Variants in SPIRE1 observed in about 807,000 individuals in gnomAD.
SPIRE1 encodes protein spire homolog 1.
In SPIRE1, 40 loss-of-function variants were observed where a neutral mutation model predicts 94.1. The ratio of observed to expected loss-of-function variants is 0.43; its 90% CI spans 0.33 to 0.55. The LOEUF (loss-of-function observed/expected upper bound fraction) is 0.55. Among genes scored for constraint, SPIRE1 ranks in the 20% least tolerant of loss-of-function variants. The pLI is 0.06. For missense variants in SPIRE1, 838 were observed against 975.2 expected (o/e 0.86, Z 1.87); for synonymous variants, 376 against 371.7 (o/e 1.01, Z -0.13).
chr18:12,657,634 G>A lies in SPIRE1; in HGVS notation c.233C>T (p.Pro78Leu), dbSNP rs182090603. ...SLRAAARRRQ[P>L]RHRVRSAAQI... Reference sequence around the variant, plus strand: ...CGCGGCCGAGCGCACACGGTGGCGGGGCTGGCGGCGGCGGGCGGCGGCGCG... The same window carrying A: ...CGCGGCCGAGCGCACACGGTGGCGGAGCTGGCGGCGGCGGGCGGCGGCGCG... The change falls in exon 1 of 17, where the codon CCC becomes CTC. Residue 78 changes from proline (P) to leucine (L), a missense_variant. Pro to Leu is a moderately conservative substitution (Grantham distance 98). Transcript: ENST00000409402. 2,398 of 1,315,180 alleles carry A rather than the reference G, an allele frequency of 1.8e-3. 51 individuals carry two copies. The African/African-American group carries it at 0.032, about 17-fold the overall frequency. 81.5% of individuals were successfully genotyped at this position (1,315,180 alleles called of 1,614,324 possible). A position where few individuals can be genotyped will look rare whatever the true frequency, so the allele number is the denominator to read the frequency against.
At chr18:12,634,972 G>T in intron 2 of SPIRE1, 90 bp downstream of exon 2, 3 of 649,036 alleles carry the variant, frequency 4.6e-6, no homozygotes, top group Non-Finnish European at 7.9e-6. Flanking sequence ...AGAAGACCAA[G>T]AACCTATAGT....
rs1265185677 is a variant in SPIRE1, at chr18:12,510,123, T to C, written c.807+2331A>G. ...AACTAAAAAAACAGTATATACCATATGATTACATTTATATAAAATTCTAGA... is the reference window on the plus strand; with the variant it reads ...AACTAAAAAAACAGTATATACCATACGATTACATTTATATAAAATTCTAGA... On this transcript the variant is annotated intron_variant, in intron 5 of 16. Transcript: ENST00000409402. Among the ~76,000 whole-genome samples the C allele has an allele frequency of 2.0e-5, 3 of 150,462 alleles. No individual in the cohort carries two copies. The Admixed American group carries it at 2.0e-4, about 10-fold the overall frequency.
intron 2 of SPIRE1, among the ~76,000 whole-genome samples, chr18:12,624,012 C>CTCAAGGGT (rs374564640): frequency 6.6e-5 from 10 of 151,778 alleles, no homozygotes; most frequent in African/African-American, 2.4e-4. Flanking sequence ...CAACCTCTGC[C>CTCAAGGGT]TCAAGGGTTC....
intron 2 of SPIRE1, among the ~76,000 whole-genome samples, chr18:12,580,909 C>G (rs2036241549): frequency 6.6e-6 from 1 of 152,070 alleles, no homozygotes; most frequent in African/African-American, 2.4e-5. Flanking sequence ...GCGGATGACC[C>G]CAGCCTGTCC....
chr18:12,491,827 G>A (rs1209086741), intron 8 of SPIRE1, among the ~76,000 whole-genome samples: 1 of 152,230 alleles, frequency 6.6e-6, no homozygotes, highest in Admixed American at 6.5e-5. Context: ...CAGTGCTGCT[G>A]CGACAGATGA....
chr18:12,660,446 C>T (rs565989655), upstream of SPIRE1, among the ~76,000 whole-genome samples: 5 of 151,942 alleles, frequency 3.3e-5, no homozygotes, highest in East Asian at 1.9e-4. Context: ...CTCGGCCTCC[C>T]GAGTAGCTGG....
At chr18:12,658,844 C>G, upstream of SPIRE1, 1 of 322,288 alleles carries the variant, frequency 3.1e-6, no homozygotes. Flanking sequence ...AAACCAGCGC[C>G]TGGAATATAA....
At chr18:12,453,476 T>C (rs2040197) in intron 13 of SPIRE1, among the ~76,000 whole-genome samples, 6,518 of 149,340 alleles carry the variant, frequency 0.044, 154 homozygotes, top group South Asian at 0.093. Context: ...CTGTTTCGCC[T>C]AGGCTGGAGT....
At chr18:12,585,514 C>A (rs941323246) in intron 2 of SPIRE1, among the ~76,000 whole-genome samples, 1 of 152,124 alleles carries the variant, frequency 6.6e-6, no homozygotes, top group East Asian at 1.9e-4. Flanking sequence ...AAGTTTCTAT[C>A]TCTATAGCTG....
At chr18:12,617,642 C>T (rs988578120) in intron 2 of SPIRE1, among the ~76,000 whole-genome samples, 19 of 152,110 alleles carry the variant, frequency 1.2e-4, no homozygotes, top group Non-Finnish European at 4.4e-5. Context: ...AACTCCTGAC[C>T]TCAGGTGATC....
chr18:12,501,236 C>T (rs2033653765), intron 6 of SPIRE1, among the ~76,000 whole-genome samples: 1 of 151,950 alleles, frequency 6.6e-6, no homozygotes, highest in Non-Finnish European at 1.5e-5. Context: ...TAGGTAAGTT[C>T]ACGGAGACAG....
intron 3 of SPIRE1, among the ~76,000 whole-genome samples, chr18:12,546,359 A>G (rs1354688196): frequency 1.3e-5 from 2 of 152,158 alleles, no homozygotes; most frequent in Non-Finnish European, 2.9e-5. Flanking sequence ...CAGCTTGGAC[A>G]CAGTGGCTCA....
intron 1 of SPIRE1, among the ~76,000 whole-genome samples, chr18:12,656,402 TAA>T (rs1567997009): frequency 6.6e-6 from 1 of 151,946 alleles, no homozygotes; most frequent in Non-Finnish European, 1.5e-5. Context: ...CGCTAAAAAA[TAA>T]AAGATAAAAG....
intron 1 of SPIRE1, among the ~76,000 whole-genome samples, chr18:12,640,120 A>T (rs2038045709): frequency 6.6e-6 from 1 of 152,226 alleles, no homozygotes; most frequent in South Asian, 2.1e-4. Context: ...CTTTCAAATT[A>T]AGGTAGCTAC....
chr18:12,597,132 G>C (rs1002886385), intron 2 of SPIRE1, among the ~76,000 whole-genome samples: 1 of 147,132 alleles, frequency 6.8e-6, no homozygotes, highest in Non-Finnish European at 1.5e-5. Context: ...ACGGATTTTT[G>C]CAACTTCCCT....
intron 2 of SPIRE1, among the ~76,000 whole-genome samples, chr18:12,561,826 A>G (rs2035695518): frequency 6.6e-6 from 1 of 151,762 alleles, no homozygotes; most frequent in South Asian, 2.1e-4. Context: ...GCTAGCAGGA[A>G]AAGAAAGACT....
Position 12,657,647 on chromosome 18 carries a change from G to A in SPIRE1, c.220C>T (p.Arg74Cys), listed in dbSNP as rs1177498008. ...QCCGSLRAAA[R>C]RRQPRHRVRS... ...ACACGGTGGCGGGGCTGGCGGCGGC[G>A]GGCGGCGGCGCGCAGGGAACCGCAG... The change falls in exon 1 of 17, where the codon CGC becomes TGC. Residue 74 changes from arginine to cysteine, a missense_variant. Transcript: ENST00000409402. 7.6e-7 allele frequency: 1 copy of A among 1,320,624 alleles called. No individual in the cohort carries two copies. 81.8% of individuals were successfully genotyped at this position (1,320,624 alleles called of 1,614,324 possible).
intron 2 of SPIRE1, among the ~76,000 whole-genome samples, chr18:12,557,615 GCTC>G (rs2035555216): frequency 1.3e-5 from 2 of 152,268 alleles, no homozygotes; most frequent in South Asian, 4.1e-4. Context: ...AGGCTGAAGG[GCTC>G]CTCAAGTGCA....
chr18:12,463,832 A>G (rs931313028), intron 11 of SPIRE1, among the ~76,000 whole-genome samples: 2 of 152,226 alleles, frequency 1.3e-5, no homozygotes, highest in African/African-American at 2.4e-5. Flanking sequence ...CATGTTTACC[A>G]AGACATTTTG....
Sources: gnomAD v4.1 joint callset for allele counts (sites outside exome capture counted in the v4.1 genomes callset) on GRCh38, gnomAD v4.1.1 for gene constraint, MANE v1.5 for transcripts, NCBI Gene and HGNC (gene_info 2026-07-23, HGNC 2026-07-21) for gene names.